Variants in SRGAP2 observed in about 807,000 individuals in gnomAD.
SRGAP2 encodes the protein SLIT-ROBO Rho GTPase-activating protein 2.
SRGAP2 carries 15 observed loss-of-function variants against 57.2 expected under a neutral mutation model. The observed-to-expected ratio is 0.26, with a 90% CI of 0.18 to 0.40. The LOEUF is 0.40. SRGAP2 is among the 10% of genes least tolerant of loss of function. SRGAP2 has a pLI of 1.00. For synonymous variants in SRGAP2, 249 were observed against 248.0 expected (o/e 1.00, Z -0.04); for missense variants, 520 against 669.6 (o/e 0.78, Z 2.47).
At position 206,461,272 on chromosome 1, in the gene SRGAP2, G is replaced by A. The variant is rs782196124; in HGVS notation, c.3068G>A (p.Arg1023Gln). Residue 1023 changes from arginine (R) to glutamine (Q), a missense_variant, in exon 23 of 23, where the codon CGG becomes CAG. Around this residue, in one of 5 missense-constraint regions of SRGAP2, gnomAD observed 478 missense variants for 373.6 expected, o/e 1.28. Coordinates refer to ENST00000573034, the MANE Select transcript of SRGAP2 (RefSeq NM_015326.5). ...STAGDIACAF[R>Q]PVKSVKMAAP... ...GCTGGGGACATCGCCTGCGCCTTCC[G>A]GCCTGTCAAGTCTGTCAAGATGGCT... The A allele has an allele frequency of 6.4e-6, 5 of 780,746 alleles. No individual in the cohort carries two copies. The highest frequency in any genetic ancestry group is 2.4e-5 in the East Asian group (1 of 41,256). The allele number at this position is 780,746 out of a possible 1,614,324, so 48.4% of individuals were successfully genotyped here.
At chr1:206,397,379 C>G (rs1553353852) in intron 7 of SRGAP2, among the ~76,000 whole-genome samples, 2 of 151,928 alleles carry the variant, frequency 1.3e-5, no homozygotes, top group Non-Finnish European at 2.9e-5. Flanking sequence ...TTATTCATTA[C>G]TTGCTTTAAG....
chr1:206,395,794 C>T (rs1293891072), intron 7 of SRGAP2, among the ~76,000 whole-genome samples: 3 of 150,680 alleles, frequency 2.0e-5, no homozygotes, highest in Non-Finnish European at 4.4e-5. Context: ...TAAAATCAGT[C>T]CAAGAAGTGA....
chr1:206,445,391 A>C (rs1662667178), intron 17 of SRGAP2, among the ~76,000 whole-genome samples: 1 of 152,250 alleles, frequency 6.6e-6, no homozygotes, highest in Non-Finnish European at 1.5e-5. Flanking sequence ...ATCCAGAGGA[A>C]GCCCGAGCAG....
rs1675735493 is a variant in SRGAP2 at position 206,347,589 on chromosome 1, G to A, written c.423+4581G>A. 2.0e-5 allele frequency among the ~76,000 whole-genome samples: 3 copies of A among 150,668 alleles called. No individual in the cohort carries two copies. The South Asian group carries it at 6.3e-4, about 31-fold the overall frequency. On this transcript the variant is annotated intron_variant, in intron 4 of 22. Coordinates refer to ENST00000573034, the MANE Select transcript of SRGAP2 (RefSeq NM_015326.5). ...AAGACTTCGTCTCAGAAAAAAAGAA[G>A]AGAGAGAGAGATTAAGAAAAATGAA...
chr1:206,378,739 G>A (rs1185485609), intron 4 of SRGAP2, among the ~76,000 whole-genome samples: 1 of 152,100 alleles, frequency 6.6e-6, no homozygotes, highest in African/African-American at 2.4e-5. Flanking sequence ...TCAGCGCTCT[G>A]TGTCTAGCTA....
intron 3 of SRGAP2, among the ~76,000 whole-genome samples, chr1:206,341,934 G>A (rs1675224146): frequency 6.6e-6 from 1 of 152,080 alleles, no homozygotes; most frequent in South Asian, 2.1e-4. Flanking sequence ...GGAGGCGGAG[G>A]TTGCAGTGAG....
intron 2 of SRGAP2, among the ~76,000 whole-genome samples, chr1:206,229,937 C>CAG (rs1553306513): frequency 6.6e-6 from 1 of 150,496 alleles, no homozygotes; most frequent in African/African-American, 2.5e-5. Context: ...TACATACACA[C>CAG]ACACACACAC....
chr1:206,207,671 C>T (rs1428519673), intron 2 of SRGAP2: 3 of 139,740 alleles, frequency 2.1e-5, no homozygotes, highest in Non-Finnish European at 3.1e-5. Flanking sequence ...CTGTTGCCAT[C>T]GGGAGTGTTA....
intron 16 of SRGAP2, among the ~76,000 whole-genome samples, chr1:206,438,622 G>T (rs1201185134): frequency 6.6e-6 from 1 of 152,152 alleles, no homozygotes; most frequent in Non-Finnish European, 1.5e-5. Context: ...GGAGTTCTCT[G>T]CCTCTTACTC....
At chr1:206,409,590 T>C (rs1211850187) in intron 10 of SRGAP2, among the ~76,000 whole-genome samples, 2 of 152,078 alleles carry the variant, frequency 1.3e-5, no homozygotes, top group African/African-American at 4.8e-5. Flanking sequence ...AAGACCAGCC[T>C]GGACAACATG....
chr1:206,364,072 C>T (rs1291578054), intron 4 of SRGAP2, among the ~76,000 whole-genome samples: 1 of 147,236 alleles, frequency 6.8e-6, no homozygotes, highest in Non-Finnish European at 1.5e-5. Flanking sequence ...GATGTGAGAA[C>T]AGGGAAAAAG....
intron 18 of SRGAP2, among the ~76,000 whole-genome samples, chr1:206,448,577 T>C (rs1447922806): frequency 6.6e-6 from 1 of 152,152 alleles, no homozygotes; most frequent in Non-Finnish European, 1.5e-5. Context: ...TGGTTAGAAA[T>C]GCACGTTATT....
chr1:206,421,580 A>G (rs375447264), intron 13 of SRGAP2, among the ~76,000 whole-genome samples: 20 of 152,210 alleles, frequency 1.3e-4, no homozygotes, highest in African/African-American at 4.8e-4. Flanking sequence ...CCAAGACCAC[A>G]AAAGAGGCTT....
In SRGAP2 at chr1:206,355,448, T is replaced by C. The variant is rs201096526; in HGVS notation, c.423+12440T>C. ...GTTAGTCTACCGATAGTGATGCTAATATTGGCACCCTCTAGAATAGGGCTG... is the reference window on the plus strand; with the variant it reads ...GTTAGTCTACCGATAGTGATGCTAACATTGGCACCCTCTAGAATAGGGCTG... On this transcript the variant is annotated intron_variant, in intron 4 of 22. Coordinates refer to ENST00000573034, the MANE Select transcript of SRGAP2 (RefSeq NM_015326.5). Among the ~76,000 whole-genome samples, 582 of 152,082 alleles carry C rather than the reference T, an allele frequency of 3.8e-3. 15 individuals carry two copies. In the East Asian group the frequency reaches 0.082, roughly 21 times the overall value.
At chr1:206,230,152 C>G (rs1353451465) in intron 2 of SRGAP2, among the ~76,000 whole-genome samples, 2 of 152,084 alleles carry the variant, frequency 1.3e-5, no homozygotes, top group African/African-American at 4.8e-5. Flanking sequence ...GAAAGCCATT[C>G]AATCAATCAA....
intron 22 of SRGAP2, 107 bp downstream of exon 22, chr1:206,459,054 T>C (rs553290783): frequency 2.7e-5 from 17 of 628,286 alleles, no homozygotes; most frequent in Middle Eastern, 2.6e-4. Context: ...TTATTTTGTA[T>C]GTGATATACT....
At chr1:206,276,130 CTTT>C (rs1670399118) in intron 2 of SRGAP2, among the ~76,000 whole-genome samples, 1 of 122,812 alleles carries the variant, frequency 8.1e-6, no homozygotes, top group Non-Finnish European at 1.7e-5. Flanking sequence ...TGTTTAGCTT[CTTT>C]ATGAAGATGC....
intron 13 of SRGAP2, among the ~76,000 whole-genome samples, chr1:206,423,909 G>A (rs1400771634): frequency 6.6e-6 from 1 of 151,050 alleles, no homozygotes; most frequent in African/African-American, 2.4e-5. Context: ...TGAGTAGCTG[G>A]GACTACAGGT....
At chr1:206,448,131 A>G (rs551581960) in intron 18 of SRGAP2, among the ~76,000 whole-genome samples, 19 of 152,232 alleles carry the variant, frequency 1.2e-4, no homozygotes, top group African/African-American at 4.3e-4. Context: ...GAAGTGAGAG[A>G]AGTGCCAGCC....
Sources: gnomAD v4.1 joint callset for allele counts (sites outside exome capture counted in the v4.1 genomes callset) on GRCh38, gnomAD v4.1.1 for gene constraint, gnomAD v4.1.1 regional missense constraint, MANE v1.5 for transcripts, NCBI Gene and HGNC (gene_info 2026-07-23, HGNC 2026-07-21) for gene names.